The following TRIM44 variants were observed in gnomAD, a reference collection of about 807,000 sequenced individuals.
TRIM44 encodes tripartite motif containing 44, also known as tripartite motif-containing protein 44.
Under a neutral mutation model 37.4 loss-of-function variants are expected in TRIM44, and 13 were observed. That is an observed-to-expected ratio of 0.35 (90% CI 0.23 to 0.55). TRIM44 has a LOEUF of 0.55. TRIM44 is among the 20% of genes least tolerant of loss of function. The pLI is 0.89. For missense variants in TRIM44, 426 were observed against 437.2 expected (o/e 0.97, Z 0.23); for synonymous variants, 175 against 157.2 (o/e 1.11, Z -0.85).
chr11:35,668,847 GT>G (rs1272983761), intron 1 of TRIM44, among the ~76,000 whole-genome samples: 1 of 152,122 alleles, frequency 6.6e-6, no homozygotes, highest in Non-Finnish European at 1.5e-5. Context: ...GTTTTGATAA[GT>G]TACATTTTCT....
intron 1 of TRIM44, among the ~76,000 whole-genome samples, chr11:35,679,020 C>T (rs1476903138): frequency 3.3e-5 from 5 of 149,264 alleles, no homozygotes; most frequent in Admixed American, 3.3e-4. Flanking sequence ...ATGATATCAA[C>T]ACAAGCCAAT....
At chr11:35,752,649 T>G (rs1489462380) in intron 4 of TRIM44, among the ~76,000 whole-genome samples, 1 of 152,090 alleles carries the variant, frequency 6.6e-6, no homozygotes, top group Non-Finnish European at 1.5e-5. Flanking sequence ...GGCTCCCACC[T>G]ACCTCTCTCC....
At chr11:35,785,723 CT>C (rs1173173896) in intron 4 of TRIM44, among the ~76,000 whole-genome samples, 1 of 152,214 alleles carries the variant, frequency 6.6e-6, no homozygotes, top group Non-Finnish European at 1.5e-5. Context: ...GAGAGTTCCT[CT>C]AGCAAATGTG....
intron 4 of TRIM44, among the ~76,000 whole-genome samples, chr11:35,765,676 G>A (rs549823714): frequency 6.6e-6 from 1 of 152,276 alleles, no homozygotes; most frequent in South Asian, 2.1e-4. Context: ...CAAAGCTTGG[G>A]TATAAAAGAA....
chr11:35,677,938 G>A (rs1851478059), intron 1 of TRIM44, among the ~76,000 whole-genome samples: 1 of 152,206 alleles, frequency 6.6e-6, no homozygotes, highest in Non-Finnish European at 1.5e-5. Flanking sequence ...TTTTGAACTA[G>A]TGACCTGGGT....
intron 2 of TRIM44, among the ~76,000 whole-genome samples, chr11:35,719,587 T>C (rs1337680645): frequency 6.6e-6 from 1 of 152,190 alleles, no homozygotes; most frequent in African/African-American, 2.4e-5. Flanking sequence ...TCATGGGTAC[T>C]AACATTGATG....
chr11:35,779,856 A>G (rs903754208), intron 4 of TRIM44, among the ~76,000 whole-genome samples: 1 of 144,916 alleles, frequency 6.9e-6, no homozygotes, highest in Non-Finnish European at 1.5e-5. Flanking sequence ...GAATAGGGAG[A>G]TCTTTCCCCT....
rs920692899 is a variant in TRIM44 at position 35,777,667 on chromosome 11, T to A, written c.1008-28691T>A. On this transcript the variant is annotated intron_variant, in intron 4 of 4. Coordinates refer to ENST00000299413, the MANE Select transcript of TRIM44 (RefSeq NM_017583.6). ...GCAGGCCTGGTGGTGACAAAATCTC[T>A]CAGCATTTGCTTCTCTGTAAAGGAT... 2.5e-4 allele frequency among the ~76,000 whole-genome samples: 38 copies of A among 152,204 alleles called. 1 individual carries two copies. Among genetic ancestry groups the A allele is most frequent in the Non-Finnish European group, 4.4e-5 (3 of 68,040 alleles).
At chr11:35,706,585 C>T (rs907493758) in intron 2 of TRIM44, among the ~76,000 whole-genome samples, 2 of 152,228 alleles carry the variant, frequency 1.3e-5, no homozygotes, top group African/African-American at 4.8e-5. Flanking sequence ...GGCTTCATCC[C>T]TGGGAAGCAA....
intron 4 of TRIM44, among the ~76,000 whole-genome samples, chr11:35,797,091 A>C (rs190926693): frequency 6.6e-6 from 1 of 152,344 alleles, no homozygotes; most frequent in African/African-American, 2.4e-5. Flanking sequence ...CTAAGCCTGA[A>C]GGCTGTGTAG....
intron 4 of TRIM44, among the ~76,000 whole-genome samples, chr11:35,804,371 G>A (rs1016824011): frequency 2.6e-5 from 4 of 152,232 alleles, no homozygotes; most frequent in African/African-American, 9.6e-5. Context: ...TGGCAAGAGA[G>A]TTGTTGACTT....
chr11:35,776,728 G>C (rs947391757), intron 4 of TRIM44, among the ~76,000 whole-genome samples: 1 of 152,194 alleles, frequency 6.6e-6, no homozygotes, highest in Non-Finnish European at 1.5e-5. Context: ...TAGTCATTCA[G>C]GAGCAGGTTG....
intron 2 of TRIM44, among the ~76,000 whole-genome samples, chr11:35,717,472 C>T (rs569834639): frequency 6.3e-4 from 96 of 152,220 alleles, no homozygotes; most frequent in Non-Finnish European, 1.2e-3. Context: ...GGACTCCTGA[C>T]TCCCTGGTCC....
intron 4 of TRIM44, among the ~76,000 whole-genome samples, chr11:35,743,356 A>C (rs550442819): frequency 4.5e-4 from 68 of 152,324 alleles, no homozygotes; most frequent in Non-Finnish European, 7.8e-4. Flanking sequence ...CCCTTATAGA[A>C]GAAATGGACA....
chr11:35,712,514 A>C (rs1461288878), intron 2 of TRIM44, among the ~76,000 whole-genome samples: 1 of 152,156 alleles, frequency 6.6e-6, no homozygotes, highest in East Asian at 1.9e-4. Context: ...GCACCAATAG[A>C]TTATAGTCAT....
At chr11:35,801,918 G>A (rs1003135982) in intron 4 of TRIM44, among the ~76,000 whole-genome samples, 6 of 152,106 alleles carry the variant, frequency 3.9e-5, no homozygotes, top group African/African-American at 9.7e-5. Flanking sequence ...CTTTTTGCCC[G>A]TTTTTAAATT....
intron 1 of TRIM44, among the ~76,000 whole-genome samples, chr11:35,679,093 T>C (rs1851496539): frequency 6.6e-6 from 1 of 152,162 alleles, no homozygotes; most frequent in Admixed American, 6.5e-5. Context: ...CAACATCTTC[T>C]GATTGATTCT....
chr11:35,783,417 C>T (rs1202444182), intron 4 of TRIM44, among the ~76,000 whole-genome samples: 1 of 152,186 alleles, frequency 6.6e-6, no homozygotes, highest in Non-Finnish European at 1.5e-5. Context: ...GTGACCCACT[C>T]CTGTTTCTTC....
chr11:35,750,590 C>T (rs1028085554), intron 4 of TRIM44, among the ~76,000 whole-genome samples: 2 of 152,066 alleles, frequency 1.3e-5, no homozygotes, highest in African/African-American at 4.8e-5. Context: ...ACTTATTGAC[C>T]GTAAGACTCT....
Sources: allele counts gnomAD v4.1 joint callset (sites outside exome capture counted in the v4.1 genomes callset), GRCh38; gene constraint gnomAD v4.1.1; transcripts MANE v1.5; gene names NCBI Gene and HGNC (gene_info 2026-07-23, HGNC 2026-07-21).